Variants in EFCAB8 observed in about 807,000 individuals in gnomAD.
The protein encoded by EFCAB8 is EF-hand calcium-binding domain-containing protein 8.
EFCAB8 carries 100 observed loss-of-function variants against 116.3 expected under a neutral mutation model. That is an observed-to-expected ratio of 0.86 (90% CI 0.73 to 1.02). EFCAB8 has a LOEUF of 1.02. EFCAB8 is among the 50% of genes least tolerant of loss of function. EFCAB8 has a pLI of 0.00. For synonymous variants in EFCAB8, 558 were observed against 567.9 expected, an observed-to-expected ratio of 0.98 and a Z score of 0.25; for missense variants, 1,320 against 1,416.9, an observed-to-expected ratio of 0.93 and a Z score of 1.10.
In EFCAB8 at chr20:32,867,638, C is replaced by G; in HGVS notation, c.99C>G (p.Ser33=). 1 of 1,551,688 alleles carries G rather than the reference C, an allele frequency of 6.4e-7. No individual in the cohort carries two copies. Residue 33 remains serine (S), a synonymous_variant, in exon 3 of 27, where the codon TCC becomes TCG. Transcript: ENST00000400522. The part of the protein sequence containing the change: ...NKEAASSPTP[S]ITLSQVPDLQ... Reference sequence around the variant, plus strand: ...AGGCTGCTAGCTCCCCAACACCATCCATCACCCTTAGCCAGGTGCCTGACC... The same window carrying G: ...AGGCTGCTAGCTCCCCAACACCATCGATCACCCTTAGCCAGGTGCCTGACC...
Position 32,911,458 on chromosome 20 carries a change from C to T in EFCAB8, c.1558-22C>T, listed in dbSNP as rs942133293. 4.1e-6 allele frequency: 6 copies of T among 1,456,510 alleles called. No individual in the cohort carries two copies. The African/African-American group carries it at 7.1e-5, about 17-fold the overall frequency. The allele number at this position is 1,456,510 out of a possible 1,614,324, so 90.2% of individuals were successfully genotyped here. A position where few individuals can be genotyped will look rare whatever the true frequency, so the allele number is the denominator to read the frequency against. On this transcript the variant is annotated intron_variant, in intron 15 of 26. Coordinates refer to ENST00000400522, the MANE Select transcript of EFCAB8 (RefSeq NM_001143967.2). ...GGAGGCCCCGGCCTCTCCAGCAGCC[C>T]CCAGCTGTGTGCTCCCTACAGGTGG...
At chr20:32,918,288 A>G (rs1987282377) in intron 18 of EFCAB8, 74 bp from the exon 19 acceptor site, 2 of 1,456,396 alleles carry the variant, frequency 1.4e-6, no homozygotes, top group African/African-American at 1.4e-5. Context: ...TGGTGTTGGC[A>G]TTGATCTGGG....
At chr20:32,878,891 C>T (rs549062517) in intron 5 of EFCAB8, 84 bp downstream of exon 5, 2 of 1,214,598 alleles carry the variant, frequency 1.6e-6, no homozygotes, top group Non-Finnish European at 2.4e-6. Flanking sequence ...CTCCCTCAAT[C>T]CGTGACCTTG....
At chr20:32,886,930 C>T (rs1203628229) in intron 6 of EFCAB8, among the ~76,000 whole-genome samples, 5 of 152,124 alleles carry the variant, frequency 3.3e-5, no homozygotes, top group Non-Finnish European at 7.4e-5. Context: ...GTCACTGAAA[C>T]TCCCTAGGGC....
intron 20 of EFCAB8, 56 bp from the exon 21 acceptor site, chr20:32,930,342 C>T: frequency 6.8e-7 from 1 of 1,467,004 alleles, no homozygotes; most frequent in Admixed American, 2.0e-5. Flanking sequence ...GGTCCCTCAG[C>T]ACCATGTGAC....
At chr20:32,934,726 G>A (rs1988036257) in intron 22 of EFCAB8, among the ~76,000 whole-genome samples, 1 of 152,148 alleles carries the variant, frequency 6.6e-6, no homozygotes, top group Non-Finnish European at 1.5e-5. Context: ...GCTTTATAAA[G>A]GGCAGTTCCC....
intron 11 of EFCAB8, among the ~76,000 whole-genome samples, chr20:32,902,337 G>C (rs1232661339): frequency 6.6e-6 from 1 of 152,150 alleles, no homozygotes; most frequent in Non-Finnish European, 1.5e-5. Context: ...GGAGGGACTG[G>C]AGATGTATTT....
chr20:32,867,450 TTC>T (rs1984481669), intron 2 of EFCAB8, 130 bp from the exon 3 acceptor site: 1 of 999,320 alleles, frequency 1.0e-6, no homozygotes, highest in Admixed American at 3.0e-5. Context: ...AATTCTGTAT[TTC>T]TGTCAGTGAC....
At chr20:32,918,697 A>T in intron 19 of EFCAB8, 123 bp downstream of exon 19, 1 of 948,684 alleles carries the variant, frequency 1.1e-6, no homozygotes, top group Non-Finnish European at 1.6e-6. Context: ...AGGTCCCTCA[A>T]CTCACTTGTT....
chr20:32,899,181 C>T (rs1457446873), intron 11 of EFCAB8, among the ~76,000 whole-genome samples: 6 of 151,744 alleles, frequency 4.0e-5, no homozygotes, highest in Non-Finnish European at 2.9e-5. Flanking sequence ...GTCAGGAGAT[C>T]GAGACCATCC....
intron 22 of EFCAB8, among the ~76,000 whole-genome samples, chr20:32,934,661 G>C (rs961965993): frequency 6.6e-6 from 1 of 152,094 alleles, no homozygotes; most frequent in Non-Finnish European, 1.5e-5. Flanking sequence ...GAATCGTGGG[G>C]GTGGGTTTTT....
intron 7 of EFCAB8, among the ~76,000 whole-genome samples, chr20:32,891,269 G>GA (rs1195877625): frequency 6.6e-6 from 1 of 151,694 alleles, no homozygotes; most frequent in Admixed American, 6.6e-5. Flanking sequence ...TATTTTGGTT[G>GA]AAAAAAAAAT....
chr20:32,912,182 A>G (rs1473491140), intron 16 of EFCAB8, among the ~76,000 whole-genome samples: 2 of 152,148 alleles, frequency 1.3e-5, no homozygotes, highest in Non-Finnish European at 2.9e-5. Context: ...CACGCCTGTA[A>G]TCTCAGCACT....
intron 26 of EFCAB8, among the ~76,000 whole-genome samples, chr20:32,960,886 C>T (rs927854895): frequency 1.3e-4 from 20 of 152,330 alleles, no homozygotes; most frequent in Non-Finnish European, 2.4e-4. Context: ...GCAGTCTGCT[C>T]GCCAGCTCAC....
At chr20:32,887,780 A>G (rs1195931209) in intron 6 of EFCAB8, among the ~76,000 whole-genome samples, 3 of 152,234 alleles carry the variant, frequency 2.0e-5, no homozygotes, top group Non-Finnish European at 4.4e-5. Flanking sequence ...CGAGTGCAGG[A>G]TGCACCAGTG....
rs115293998 is a variant in EFCAB8 at position 32,955,497 on chromosome 20, G to A, written c.2960-2924G>A. Among the ~76,000 whole-genome samples the A allele has an allele frequency of 6.0e-3, 918 of 152,238 alleles. 5 individuals are homozygous for A. The highest frequency in any genetic ancestry group is 0.021 in the African/African-American group (870 of 41,546). On this transcript the variant is annotated intron_variant, in intron 23 of 26. Coordinates refer to ENST00000400522, the MANE Select transcript of EFCAB8 (RefSeq NM_001143967.2). Reference sequence around the variant, plus strand: ...TGAGGTTGCAGTGAGTTAAGACTGCGCTGCTGTACTCCAGCTTGGGGAACA... The same window carrying A: ...TGAGGTTGCAGTGAGTTAAGACTGCACTGCTGTACTCCAGCTTGGGGAACA...
At chr20:32,889,921 G>T (rs948093041) in intron 7 of EFCAB8, among the ~76,000 whole-genome samples, 23 of 149,796 alleles carry the variant, frequency 1.5e-4, no homozygotes, top group African/African-American at 5.1e-4. Flanking sequence ...AGAATCGCTT[G>T]AACCTGGAGG....
intron 20 of EFCAB8, among the ~76,000 whole-genome samples, chr20:32,922,482 C>G (rs1179864638): frequency 1.3e-5 from 2 of 152,180 alleles, no homozygotes; most frequent in Non-Finnish European, 2.9e-5. Flanking sequence ...TATCAAGCCC[C>G]TGACCTCTGG....
intron 24 of EFCAB8, among the ~76,000 whole-genome samples, chr20:32,959,259 G>C (rs1193168995): frequency 6.6e-6 from 1 of 152,232 alleles, no homozygotes. Context: ...TAGGAACAGG[G>C]ATGGCTCAGA....
Sources: allele counts gnomAD v4.1 joint callset (sites outside exome capture counted in the v4.1 genomes callset), GRCh38; gene constraint gnomAD v4.1.1; transcripts MANE v1.5; gene names NCBI Gene and HGNC (gene_info 2026-07-23, HGNC 2026-07-21).